Variants in PRPF8 observed in about 807,000 individuals in gnomAD.
PRPF8 encodes pre-mRNA-processing-splicing factor 8.
In PRPF8, 64 loss-of-function variants were observed where a neutral mutation model predicts 285.9. That is an observed-to-expected ratio of 0.22 (90% confidence interval 0.18 to 0.28). PRPF8 has a LOEUF of 0.28. PRPF8 is among the 10% of genes least tolerant of loss of function. PRPF8 has a pLI of 1.00. For missense variants in PRPF8, 1,426 were observed against 3,026.7 expected (o/e 0.47, Z 12.41); for synonymous variants, 1,325 against 1,118.2 (o/e 1.18, Z -3.69).
intron 2 of PRPF8, 91 bp from the exon 3 acceptor site, chr17:1,683,792 G>A: frequency 1.3e-6 from 2 of 1,507,234 alleles, no homozygotes; most frequent in South Asian, 1.2e-5. Flanking sequence ...CAGTGAGTGT[G>A]AGGGAGAAGC....
At chr17:1,680,438 A>G in intron 8 of PRPF8, 1 of 518,360 alleles carries the variant, frequency 1.9e-6, no homozygotes, top group Non-Finnish European at 3.5e-6. Context: ...ACTACATCTC[A>G]ATATAAAGGC....
Position 1,679,825 on chromosome 17 carries a change from T to TTA in PRPF8, c.1099-28_1099-27dup, listed in dbSNP as rs769502517. On this transcript the variant is annotated intron_variant, in intron 8 of 42. Transcript: ENST00000304992. This position sits in a 1 kb window ranked among gnomAD's most constrained non-coding sequence, Gnocchi z 4.7. ...CTGAAAAAGGAATCCCTCTAAGGGT[T>TTA]TAGCTCCTGCTGAACTAGGCACAGA... 1 of 1,613,590 alleles carries TTA rather than the reference T, an allele frequency of 6.2e-7. No homozygotes were observed. The highest frequency in any genetic ancestry group is 1.3e-5 in the African/African-American group (1 of 75,046).
rs565243058 is a variant in PRPF8 at position 1,662,811 on chromosome 17, A to G, written c.3775-658T>C. Among the ~76,000 whole-genome samples, 268 of 149,904 alleles carry G rather than the reference A, an allele frequency of 1.8e-3. 3 individuals are homozygous for G. Among genetic ancestry groups the G allele is most frequent in the African/African-American group, 6.5e-3 (261 of 40,206 alleles). On this transcript the variant is annotated intron_variant, in intron 24 of 42. Transcript: ENST00000304992. The stretch of plus-strand genomic sequence containing the variant: ...GCACCACTGCACTCCAGCCTGGGAG[A>G]CAGAGCAAGACTGTGTCTCAAAAAA...
chr17:1,661,247 G>C lies in PRPF8; in HGVS notation c.4338+24C>G. Reference sequence around the variant, plus strand: ...ATAGCCATGGATTTTCCTGACTCAGGGAAAATCTGCTCCCTCTACATACCT... The same window carrying C: ...ATAGCCATGGATTTTCCTGACTCAGCGAAAATCTGCTCCCTCTACATACCT... On this transcript the variant is annotated intron_variant, in intron 27 of 42. Coordinates refer to ENST00000304992, the MANE Select transcript of PRPF8 (RefSeq NM_006445.4). This position sits in a 1 kb window ranked among gnomAD's most constrained non-coding sequence, Gnocchi z 7.3. 1 of 1,614,092 alleles carries C rather than the reference G, an allele frequency of 6.2e-7. No individual in the cohort carries two copies. Among genetic ancestry groups the C allele is most frequent in the Non-Finnish European group, 8.5e-7 (1 of 1,180,008 alleles).
chr17:1,659,069 A>C lies in PRPF8; in HGVS notation c.5138+288T>G. The C allele has an allele frequency of 1.8e-6, 1 of 568,320 alleles. No individual in the cohort carries two copies. Among genetic ancestry groups the C allele is most frequent in the Non-Finnish European group, 3.1e-6 (1 of 325,678 alleles). 35.2% of individuals were successfully genotyped at this position (568,320 alleles called of 1,614,324 possible). On this transcript the variant is annotated intron_variant, in intron 32 of 42. Coordinates refer to ENST00000304992, the MANE Select transcript of PRPF8 (RefSeq NM_006445.4). The surrounding 1 kb of genome is among the most constrained non-coding windows in gnomAD (Gnocchi z 5.1). ...GAGATGGAGTCTCACTCTGTCGCCC[A>C]GGCTGGAGTGCAGTGGCGCAATCTC...
Position 1,673,654 on chromosome 17 carries a change from G to A in PRPF8, c.3447-87C>T, listed in dbSNP as rs1047993771. Reference sequence around the variant, plus strand: ...ACTGATGACATCCTGACACAGCCACGCCTCTCCCACCCAGGACGCAGCCTC... The same window carrying A: ...ACTGATGACATCCTGACACAGCCACACCTCTCCCACCCAGGACGCAGCCTC... On this transcript the variant is annotated intron_variant, in intron 22 of 42. Transcript: ENST00000304992. This position sits in a 1 kb window ranked among gnomAD's most constrained non-coding sequence, Gnocchi z 5.5. The A allele has an allele frequency of 2.5e-6, 4 of 1,610,748 alleles. No homozygotes were observed. Among genetic ancestry groups the A allele is most frequent in the South Asian group, 2.2e-5 (2 of 90,986 alleles).
intron 24 of PRPF8, among the ~76,000 whole-genome samples, chr17:1,672,365 C>T (rs1171768275): frequency 5.3e-5 from 8 of 152,120 alleles, no homozygotes; most frequent in Non-Finnish European, 1.2e-4. Context: ...CAGCAACGTC[C>T]GCCTCCTGGG....
chr17:1,653,637 CAT>C lies in PRPF8; in HGVS notation c.6272_6273del (p.Tyr2091CysfsTer4). 2.5e-6 allele frequency: 4 copies of C among 1,614,166 alleles called. No individual in the cohort carries two copies. The highest frequency in any genetic ancestry group is 1.7e-5 in the Admixed American group (1 of 60,026). On this transcript the variant is annotated frameshift_variant, in exon 39 of 43. Transcript: ENST00000304992. LOFTEE classifies it high-confidence loss of function. The surrounding 1 kb of genome is among the most constrained non-coding windows in gnomAD (Gnocchi z 4.9). ...ANLHLRTNHI[Y>X]VSSDDIKETG... ...GTCTCCTTGATGTCGTCAGATGAAA[CAT>C]AGATGTGATTGGTCCTTAGGTGCAG... is the stretch of plus-strand genomic sequence containing the variant.
intron 37 of PRPF8, 41 bp from the exon 38 acceptor site, chr17:1,654,057 C>T: frequency 6.2e-7 from 1 of 1,613,922 alleles, no homozygotes. Flanking sequence ...GATCCCTTCC[C>T]CTTGGTCACT....
rs753425294 is a variant in PRPF8 at position 1,674,435 on chromosome 17, C to G, written c.3299+7G>C. The G allele has an allele frequency of 6.2e-7, 1 of 1,613,196 alleles. No homozygotes were observed. Among genetic ancestry groups the G allele is most frequent in the Admixed American group, 1.7e-5 (1 of 60,010 alleles). On this transcript the variant is annotated splice_region_variant and intron_variant, in intron 21 of 42. Coordinates refer to ENST00000304992, the MANE Select transcript of PRPF8 (RefSeq NM_006445.4). ...CTGCAAGGCTAGGAATCCAGGAAAG[C>G]CCTCACCTGAAAAAAATATGGATGC...
In PRPF8 at chr17:1,658,487, T is replaced by A. The variant is rs771428694; in HGVS notation, c.5376+39A>T. On this transcript the variant is annotated intron_variant, in intron 33 of 42. Transcript: ENST00000304992. The surrounding 1 kb of genome is among the most constrained non-coding windows in gnomAD (Gnocchi z 4.1). Reference sequence around the variant, plus strand: ...AGCCCATTACTCTCCCACAGCCATGTACAGAGTCCCGCACCTATACACTGC... The same window carrying A: ...AGCCCATTACTCTCCCACAGCCATGAACAGAGTCCCGCACCTATACACTGC... 9.9e-6 allele frequency: 16 copies of A among 1,612,812 alleles called. No individual in the cohort carries two copies. The highest frequency in any genetic ancestry group is 1.6e-4 in the Middle Eastern group (1 of 6,082).
chr17:1,655,925 T>A lies in PRPF8; in HGVS notation c.5794-382A>T, dbSNP rs1180996902. 3.1e-4 allele frequency among the ~76,000 whole-genome samples: 22 copies of A among 71,038 alleles called. No individual in the cohort carries two copies. The East Asian group carries it at 6.1e-3, about 20-fold the overall frequency. 46.6% of individuals were successfully genotyped at this position (71,038 alleles called of 152,430 possible). On this transcript the variant is annotated intron_variant, in intron 36 of 42. Coordinates refer to ENST00000304992, the MANE Select transcript of PRPF8 (RefSeq NM_006445.4). ...CAGGCGTGAGCCACTGCGCCCGGCCTTTTTTTTTTTTTTTTTAGACAGTCT... is the reference window on the plus strand; with the variant it reads ...CAGGCGTGAGCCACTGCGCCCGGCCATTTTTTTTTTTTTTTTAGACAGTCT...
At chr17:1,655,656 T>C (rs1911335217) in intron 36 of PRPF8, 113 bp from the exon 37 acceptor site, 2 of 931,654 alleles carry the variant, frequency 2.1e-6, no homozygotes, top group African/African-American at 3.3e-5. Context: ...AGACAGAGTC[T>C]TGCTCTGTCG....
rs768194464 is a variant in PRPF8 at position 1,659,495 on chromosome 17, C to T, written c.5000G>A (p.Arg1667His). The change falls in exon 32 of 43, where the codon CGC (arginine) becomes CAC (histidine). Residue 1667 changes from arginine to histidine, a missense_variant. Transcript: ENST00000304992. This position sits in a 1 kb window ranked among gnomAD's most constrained non-coding sequence, Gnocchi z 5.1. ...TQKYWIDIQL[R>H]WGDYDSHDIE... ...GTCGTGGGAATCATAGTCCCCCCAG[C>T]GCAACTGGATGTCAATCCAGTATTT... 1.2e-6 allele frequency: 2 copies of T among 1,614,102 alleles called. No homozygotes were observed. Among genetic ancestry groups the T allele is most frequent in the Admixed American group, 1.7e-5 (1 of 60,006 alleles).
At chr17:1,671,741 C>G (rs1012866246) in intron 24 of PRPF8, among the ~76,000 whole-genome samples, 17 of 150,582 alleles carry the variant, frequency 1.1e-4, no homozygotes, top group African/African-American at 3.9e-4. Flanking sequence ...GTCCCAGCTA[C>G]TCAGGAGGCT....
Position 1,680,994 on chromosome 17 carries a change from G to A in PRPF8, c.927C>T (p.Arg309=), listed in dbSNP as rs1043393. The change falls in exon 7 of 43, where the codon CGC becomes CGT. Residue 309 remains arginine, a synonymous_variant. Transcript: ENST00000304992. ...AAGGAAAAGCAATCTTGTACTCAGT[G>A]CGGATAGGCTGCCGGATGATAATCT... The part of the protein sequence containing the change: ...INKIIIRQPI[R]TEYKIAFPYL... 1 of 1,612,990 alleles carries A rather than the reference G, an allele frequency of 6.2e-7. No homozygotes were observed. Among genetic ancestry groups the A allele is most frequent in the Non-Finnish European group, 8.5e-7 (1 of 1,179,134 alleles).
At chr17:1,680,885 C>A (rs1266601499) in intron 7 of PRPF8, 44 bp downstream of exon 7, 1 of 1,614,176 alleles carries the variant, frequency 6.2e-7, no homozygotes. Flanking sequence ...CCAACCTAAA[C>A]AGCAGCCTTC....
intron 2 of PRPF8, among the ~76,000 whole-genome samples, 195 bp from the exon 3 acceptor site, chr17:1,683,896 T>C (rs1913080646): frequency 6.6e-6 from 1 of 151,870 alleles, no homozygotes; most frequent in Non-Finnish European, 1.5e-5. Context: ...GACTTTTTTT[T>C]TTTTTTTTGA....
chr17:1,670,358 T>C (rs1309203701), intron 24 of PRPF8, among the ~76,000 whole-genome samples: 1 of 152,248 alleles, frequency 6.6e-6, no homozygotes, highest in Admixed American at 6.5e-5. Flanking sequence ...TGCCAAAATC[T>C]GCACATCATT....
Sources: gnomAD v4.1 joint callset for allele counts (sites outside exome capture counted in the v4.1 genomes callset) on GRCh38, gnomAD v4.1.1 for gene constraint, Gnocchi (gnomAD v3.1) non-coding constraint, MANE v1.5 for transcripts, NCBI Gene and HGNC (gene_info 2026-07-23, HGNC 2026-07-21) for gene names.